Variants in MBOAT2 observed in about 807,000 individuals in gnomAD.
MBOAT2 encodes membrane-bound glycerophospholipid O-acyltransferase 2.
Under a neutral mutation model 63.4 loss-of-function variants are expected in MBOAT2, and 28 were observed. The ratio of observed to expected loss-of-function variants is 0.44; its 90% CI spans 0.33 to 0.61. The LOEUF (loss-of-function observed/expected upper bound fraction) is 0.61. Ranked by LOEUF, MBOAT2 falls within the 20% of genes least tolerant of loss-of-function variation. MBOAT2 has a pLI of 0.03. For missense variants in MBOAT2, 470 were observed against 605.8 expected (o/e 0.78, Z 2.35); for synonymous variants, 211 against 215.6 (o/e 0.98, Z 0.19).
At chr2:8,900,326 A>G (rs1373473710) in intron 4 of MBOAT2, among the ~76,000 whole-genome samples, 1 of 152,204 alleles carries the variant, frequency 6.6e-6, no homozygotes, top group Middle Eastern at 3.2e-3. Flanking sequence ...GGCTGCAGCT[A>G]AAGTCGCATT....
At chr2:8,973,727 C>T (rs1670623745) in intron 1 of MBOAT2, among the ~76,000 whole-genome samples, 2 of 151,964 alleles carry the variant, frequency 1.3e-5, no homozygotes, top group African/African-American at 4.8e-5. Flanking sequence ...AGAAAAGATG[C>T]CCAAACCCTA....
chr2:8,974,002 C>A (rs1480637554), intron 1 of MBOAT2, among the ~76,000 whole-genome samples: 3 of 152,046 alleles, frequency 2.0e-5, no homozygotes, highest in African/African-American at 7.2e-5. Context: ...AAGCATGGTA[C>A]ATGAAGTGAA....
chr2:8,985,895 CT>C (rs1671530221), intron 1 of MBOAT2, among the ~76,000 whole-genome samples: 1 of 152,064 alleles, frequency 6.6e-6, no homozygotes, highest in Non-Finnish European at 1.5e-5. Flanking sequence ...CAGCTTACCC[CT>C]ATGCATAGGC....
At chr2:8,991,766 C>G (rs1216187214) in intron 1 of MBOAT2, among the ~76,000 whole-genome samples, 7 of 152,154 alleles carry the variant, frequency 4.6e-5, no homozygotes, top group Non-Finnish European at 1.0e-4. Context: ...AATTTTACCC[C>G]AAATTTTAAA....
intron 11 of MBOAT2, among the ~76,000 whole-genome samples, chr2:8,861,403 A>G (rs1661483481): frequency 1.3e-5 from 2 of 152,162 alleles, no homozygotes; most frequent in South Asian, 4.1e-4. Context: ...AGCCTATCCT[A>G]TTCTGTCTGC....
At chr2:8,871,073 C>T (rs934742486) in intron 8 of MBOAT2, among the ~76,000 whole-genome samples, 1 of 152,062 alleles carries the variant, frequency 6.6e-6, no homozygotes, top group Non-Finnish European at 1.5e-5. Flanking sequence ...CAGCTCACTG[C>T]AGCCTCAACT....
chr2:8,876,888 AG>A, intron 7 of MBOAT2, 141 bp downstream of exon 7: 2 of 724,918 alleles, frequency 2.8e-6, no homozygotes, highest in East Asian at 5.8e-5. Context: ...TACTTCTACC[AG>A]GTGCAGTGTG....
At position 8,992,651 on chromosome 2, in the gene MBOAT2, C is replaced by G. The variant is rs146443905; in HGVS notation, c.75+10889G>C. Among the ~76,000 whole-genome samples, 434 of 152,318 alleles carry G rather than the reference C, an allele frequency of 2.8e-3. 4 individuals are homozygous for G. Among genetic ancestry groups the G allele is most frequent in the African/African-American group, 0.01 (417 of 41,568 alleles). On this transcript the variant is annotated intron_variant, in intron 1 of 12. Transcript: ENST00000305997. ...ATTATATGTTATGTATCACCCTGAC[C>G]TTCCACTAACACCTAAGTCTGGCGG...
intron 1 of MBOAT2, among the ~76,000 whole-genome samples, chr2:8,972,920 G>T (rs899383559): frequency 3.3e-5 from 5 of 152,194 alleles, no homozygotes; most frequent in Non-Finnish European, 7.3e-5. Context: ...CACTGTTGAT[G>T]GGACTGTAAA....
At chr2:8,991,258 T>G (rs910725869) in intron 1 of MBOAT2, among the ~76,000 whole-genome samples, 1 of 152,166 alleles carries the variant, frequency 6.6e-6, no homozygotes, top group South Asian at 2.1e-4. Context: ...ATTACTTTAT[T>G]CCCCTCCAGC....
At chr2:8,960,423 G>A (rs922184780) in intron 1 of MBOAT2, among the ~76,000 whole-genome samples, 9 of 152,154 alleles carry the variant, frequency 5.9e-5, no homozygotes, top group South Asian at 4.1e-4. Flanking sequence ...CAGAAGGAAC[G>A]TCAACCCAAC....
chr2:8,966,432 C>T lies in MBOAT2; in HGVS notation c.76-7790G>A, dbSNP rs561307540. ...GTTTAGCTGTGTAAAAATCATCTGA[C>T]AGCTAGTTAGAAACAGATTATTGGA... On this transcript the variant is annotated intron_variant, in intron 1 of 12. Coordinates refer to ENST00000305997, the MANE Select transcript of MBOAT2 (RefSeq NM_138799.4). 3.3e-5 allele frequency among the ~76,000 whole-genome samples: 5 copies of T among 152,332 alleles called. No individual in the cohort carries two copies. The South Asian group carries it at 6.2e-4, about 19-fold the overall frequency.
At position 8,900,773 on chromosome 2, in the gene MBOAT2, GGTATTTCA is replaced by G. The variant is rs1333925729; in HGVS notation, c.395+7840_395+7847del. On this transcript the variant is annotated intron_variant, in intron 4 of 12. Transcript: ENST00000305997. ...CAATGAAAAGAAAGCTCAGACATAAGGTATTTCACTCCATTTGCCTTCCCTCTTACAGA... is the reference window on the plus strand; with the variant it reads ...CAATGAAAAGAAAGCTCAGACATAAGCTCCATTTGCCTTCCCTCTTACAGA... Among the ~76,000 whole-genome samples the G allele has an allele frequency of 2.7e-4, 41 of 152,122 alleles. 1 individual carries two copies. Among genetic ancestry groups the G allele is most frequent in the Non-Finnish European group, 2.9e-5 (2 of 68,030 alleles).
intron 8 of MBOAT2, among the ~76,000 whole-genome samples, chr2:8,872,724 G>A (rs953616509): frequency 6.6e-6 from 1 of 152,072 alleles, no homozygotes; most frequent in Non-Finnish European, 1.5e-5. Flanking sequence ...ATTATACTAT[G>A]GCTAATGGTC....
intron 9 of MBOAT2, among the ~76,000 whole-genome samples, chr2:8,864,510 G>A (rs1661722314): frequency 6.6e-6 from 1 of 152,124 alleles, no homozygotes; most frequent in Non-Finnish European, 1.5e-5. Context: ...TTCTTCCAAA[G>A]ACATTCCTGA....
intron 3 of MBOAT2, among the ~76,000 whole-genome samples, chr2:8,917,584 C>A (rs2148603526): frequency 6.6e-6 from 1 of 152,266 alleles, no homozygotes; most frequent in African/African-American, 2.4e-5. Flanking sequence ...GCTGAGAACA[C>A]CAACTGCTGG....
intron 2 of MBOAT2, among the ~76,000 whole-genome samples, chr2:8,949,568 A>G (rs564520015): frequency 6.6e-6 from 1 of 152,208 alleles, no homozygotes; most frequent in African/African-American, 2.4e-5. Flanking sequence ...TGGCTAGCCA[A>G]TTATACCAGC....
chr2:8,986,292 T>C (rs910986486), intron 1 of MBOAT2, among the ~76,000 whole-genome samples: 1 of 151,182 alleles, frequency 6.6e-6, no homozygotes, highest in Non-Finnish European at 1.5e-5. Flanking sequence ...AAATGTAATA[T>C]GGGCCAGGCA....
chr2:8,939,032 T>C (rs937310847), intron 3 of MBOAT2, among the ~76,000 whole-genome samples: 1 of 152,194 alleles, frequency 6.6e-6, no homozygotes, highest in Non-Finnish European at 1.5e-5. Context: ...CTGAACTCCT[T>C]GGAGGAGAAG....
Sources: gnomAD v4.1 joint callset for allele counts (sites outside exome capture counted in the v4.1 genomes callset) on GRCh38, gnomAD v4.1.1 for gene constraint, MANE v1.5 for transcripts, NCBI Gene and HGNC (gene_info 2026-07-23, HGNC 2026-07-21) for gene names.